Variants in DPP10 observed in about 807,000 individuals in gnomAD.
DPP10 encodes the protein dipeptidyl peptidase like 10.
A neutral mutation model predicts 120.9 loss-of-function variants in DPP10; 33 were observed. That is an observed-to-expected ratio of 0.27 (90% confidence interval 0.21 to 0.37). The LOEUF (loss-of-function observed/expected upper bound fraction) is 0.37, where lower values mean the gene tolerates loss of function less well. Ranked by LOEUF, DPP10 falls within the 10% of genes least tolerant of loss-of-function variation. The pLI is 1.00. For synonymous variants in DPP10, 337 were observed against 326.1 expected (o/e 1.03, Z -0.36); for missense variants, 816 against 942.8 (o/e 0.87, Z 1.76).
At chr2:115,118,551 A>G (rs1408612354) in intron 1 of DPP10, among the ~76,000 whole-genome samples, 4 of 152,102 alleles carry the variant, frequency 2.6e-5, no homozygotes, top group Non-Finnish European at 5.9e-5. Context: ...AGGGAGAGAT[A>G]AAGGCAAGTT....
At chr2:114,802,466 A>G (rs1684334401) in intron 1 of DPP10, among the ~76,000 whole-genome samples, 1 of 152,164 alleles carries the variant, frequency 6.6e-6, no homozygotes, top group Non-Finnish European at 1.5e-5. Flanking sequence ...ATATCACTTC[A>G]TTAGTAGGAT....
In DPP10 at chr2:115,766,747, G is replaced by A. The variant is rs149104983; in HGVS notation, c.1114-1550G>A. 3.6e-3 allele frequency among the ~76,000 whole-genome samples: 555 copies of A among 152,206 alleles called. 3 individuals carry two copies. The highest frequency in any genetic ancestry group is 0.013 in the African/African-American group (529 of 41,554). On this transcript the variant is annotated intron_variant, in intron 12 of 25. Coordinates refer to ENST00000410059, the MANE Select transcript of DPP10 (RefSeq NM_020868.6). ...GCCTCAGAAAGCTTCCAGTCATGGC[G>A]GAAGGCAAATGGGGAGCAACACTTC...
intron 1 of DPP10, among the ~76,000 whole-genome samples, chr2:114,681,835 T>C (rs1699048454): frequency 6.6e-6 from 1 of 152,058 alleles, no homozygotes; most frequent in Non-Finnish European, 1.5e-5. Flanking sequence ...TTTATGTTTC[T>C]ATCATAATCC....
intron 1 of DPP10, among the ~76,000 whole-genome samples, chr2:115,086,744 C>T (rs931295937): frequency 2.6e-5 from 4 of 152,240 alleles, no homozygotes; most frequent in South Asian, 2.1e-4. Flanking sequence ...CGTGAGCCAC[C>T]GTGCCCAGCC....
chr2:115,595,916 T>C (rs1220224766), intron 5 of DPP10, among the ~76,000 whole-genome samples: 1 of 152,170 alleles, frequency 6.6e-6, no homozygotes, highest in Non-Finnish European at 1.5e-5. Flanking sequence ...GTTTCTTTTA[T>C]ATCTAGTAGT....
chr2:114,912,014 G>A (rs1694406038), intron 1 of DPP10, among the ~76,000 whole-genome samples: 1 of 152,098 alleles, frequency 6.6e-6, no homozygotes, highest in South Asian at 2.1e-4. Context: ...CTTGAGACAT[G>A]GCCTTAAAGA....
intron 8 of DPP10, among the ~76,000 whole-genome samples, chr2:115,738,661 C>G (rs552339262): frequency 1.3e-5 from 2 of 152,302 alleles, no homozygotes; most frequent in East Asian, 1.9e-4. Context: ...ACAGTTCCGT[C>G]TCTTGCTATG....
At chr2:114,767,173 T>A (rs1574139650) in intron 1 of DPP10, among the ~76,000 whole-genome samples, 3 of 60,170 alleles carry the variant, frequency 5.0e-5, no homozygotes, top group African/African-American at 6.6e-5. Context: ...ATCAAGACCA[T>A]AGTTAGACAG....
intron 5 of DPP10, among the ~76,000 whole-genome samples, chr2:115,558,358 GA>G (rs1223839587): frequency 6.6e-6 from 1 of 152,200 alleles, no homozygotes; most frequent in African/African-American, 2.4e-5. Context: ...AAGGACTCCT[GA>G]AGATCTCATT....
intron 1 of DPP10, among the ~76,000 whole-genome samples, chr2:115,070,892 C>T (rs1707310858): frequency 6.6e-6 from 1 of 152,112 alleles, no homozygotes; most frequent in African/African-American, 2.4e-5. Context: ...TAGCCTTCAC[C>T]TAATAAAAAT....
At chr2:115,461,899 C>T (rs1473388257) in intron 3 of DPP10, among the ~76,000 whole-genome samples, 1 of 152,102 alleles carries the variant, frequency 6.6e-6, no homozygotes, top group East Asian at 1.9e-4. Context: ...TTTCTTTCTT[C>T]TCTTTCACTC....
chr2:115,438,463 C>T (rs547796817), intron 3 of DPP10, among the ~76,000 whole-genome samples: 2 of 152,138 alleles, frequency 1.3e-5, no homozygotes, highest in East Asian at 1.9e-4. Flanking sequence ...TCTCAGTAGC[C>T]CCCCACTCCC....
At chr2:115,215,716 C>T (rs1470251465) in intron 1 of DPP10, among the ~76,000 whole-genome samples, 1 of 152,014 alleles carries the variant, frequency 6.6e-6, no homozygotes, top group Non-Finnish European at 1.5e-5. Context: ...TTTCAAATAA[C>T]CAAAAATAGA....
At chr2:115,814,316 A>T (rs1026142933) in intron 19 of DPP10, among the ~76,000 whole-genome samples, 1 of 152,178 alleles carries the variant, frequency 6.6e-6, no homozygotes, top group Admixed American at 6.5e-5. Flanking sequence ...TTTAAGTTTA[A>T]CATTATGTAT....
intron 1 of DPP10, among the ~76,000 whole-genome samples, chr2:114,504,784 T>C (rs1357903558): frequency 6.6e-6 from 1 of 152,100 alleles, no homozygotes; most frequent in East Asian, 1.9e-4. Flanking sequence ...CTGGGCGTGG[T>C]GGCTCATGCC....
At chr2:115,796,975 A>G (rs1159087431) in intron 19 of DPP10, among the ~76,000 whole-genome samples, 2 of 152,112 alleles carry the variant, frequency 1.3e-5, no homozygotes, top group Non-Finnish European at 2.9e-5. Flanking sequence ...GCCTGCCTAC[A>G]TAGTCCACCG....
chr2:115,386,103 A>T (rs574717665), intron 3 of DPP10, among the ~76,000 whole-genome samples: 193 of 152,324 alleles, frequency 1.3e-3, no homozygotes, highest in Middle Eastern at 3.4e-3. Flanking sequence ...TCACTCATAA[A>T]TCTCCTAGAA....
At chr2:115,564,918 G>A (rs968306020) in intron 5 of DPP10, among the ~76,000 whole-genome samples, 7 of 152,144 alleles carry the variant, frequency 4.6e-5, no homozygotes, top group Non-Finnish European at 1.0e-4. Flanking sequence ...GGGCTTAGAC[G>A]TGGCCTTTGA....
rs532862822 is a variant in DPP10, at chr2:115,649,740, T to G, written c.442-39947T>G. On this transcript the variant is annotated intron_variant, in intron 5 of 25. Transcript: ENST00000410059. ...GTAGTCAGAATGAAAATGTGCTCCATGTTTTCAGAATATGTACTACCTTCA... is the reference window on the plus strand; with the variant it reads ...GTAGTCAGAATGAAAATGTGCTCCAGGTTTTCAGAATATGTACTACCTTCA... Among the ~76,000 whole-genome samples the G allele has an allele frequency of 5.9e-5, 9 of 152,236 alleles. No individual in the cohort carries two copies. In the South Asian group the frequency reaches 1.7e-3, roughly 28 times the overall value.
Sources: allele counts gnomAD v4.1 joint callset (sites outside exome capture counted in the v4.1 genomes callset), GRCh38; gene constraint gnomAD v4.1.1; transcripts MANE v1.5; gene names NCBI Gene and HGNC (gene_info 2026-07-23, HGNC 2026-07-21).